Variants in CNP observed in about 807,000 individuals in gnomAD.
CNP encodes 2',3'-cyclic-nucleotide 3'-phosphodiesterase.
A neutral mutation model predicts 37.9 loss-of-function variants in CNP; 8 were observed. The ratio of observed to expected loss-of-function variants is 0.21; its 90% CI spans 0.12 to 0.38. CNP has a LOEUF of 0.38. CNP is among the 10% of genes least tolerant of loss of function. The pLI is 1.00. For synonymous variants in CNP, 237 were observed against 238.3 expected (o/e 0.99, Z 0.05); for missense variants, 457 against 551.0 (o/e 0.83, Z 1.71).
At chr17:41,973,393 C>T (rs1359373999) in intron 3 of CNP, 82 bp from the exon 4 acceptor site, 3 of 1,373,104 alleles carry the variant, frequency 2.2e-6, no homozygotes, top group Non-Finnish European at 3.0e-6. Context: ...CTTCTCTCCT[C>T]CAGGAGGGAC....
chr17:41,969,173 A>C (rs185573783), intron 2 of CNP, among the ~76,000 whole-genome samples: 26 of 152,238 alleles, frequency 1.7e-4, no homozygotes, highest in Admixed American at 8.5e-4. Flanking sequence ...TAATAATAAT[A>C]ATCACATGAA....
chr17:41,976,457 T>C lies in CNP; in HGVS notation c.*2533T>C. 5.7e-6 allele frequency: 2 copies of C among 350,904 alleles called. No homozygotes were observed. The highest frequency in any genetic ancestry group is 9.9e-6 in the Non-Finnish European group (2 of 202,816). 21.7% of individuals were successfully genotyped at this position (350,904 alleles called of 1,614,324 possible). A position where few individuals can be genotyped will look rare whatever the true frequency, so the allele number is the denominator to read the frequency against. Reference sequence around the variant, plus strand: ...GGCCAGGAAGGGTCAAAACATTTTATTCTCTTTTTTTTTTCTTTTTTAATA... The same window carrying C: ...GGCCAGGAAGGGTCAAAACATTTTACTCTCTTTTTTTTTTCTTTTTTAATA... On this transcript the variant is annotated 3_prime_UTR_variant, in exon 4 of 4. Coordinates refer to ENST00000393892, the MANE Select transcript of CNP (RefSeq NM_033133.5).
rs367704141 is a variant in CNP at position 41,973,852 on chromosome 17, C to T, written c.1194C>T (p.Tyr398=). The T allele has an allele frequency of 6.3e-5, 101 of 1,600,276 alleles. No homozygotes were observed. The highest frequency in any genetic ancestry group is 5.4e-4 in the South Asian group (48 of 88,852). Residue 398 remains tyrosine, a synonymous_variant, in exon 4 of 4, where the codon TAC becomes TAT. Transcript: ENST00000393892. ...TCAGGGCCATCTTCACGGGGTACTA[C>T]GGGAAAGGCAAACCTGTGCCCACGC... ...MEVRAIFTGY[Y]GKGKPVPTQG... is the part of the protein sequence containing the mutation.
Position 41,973,875 on chromosome 17 carries a change from C to T in CNP, c.1217C>T (p.Thr406Met), listed in dbSNP as rs782096149. 64 of 1,574,496 alleles carry T rather than the reference C, an allele frequency of 4.1e-5. No individual in the cohort carries two copies. The highest frequency in any genetic ancestry group is 7.1e-5 in the South Asian group (6 of 84,922). Reference sequence around the variant, plus strand: ...TACGGGAAAGGCAAACCTGTGCCCACGCAAGGTAGCCGGAAGGGGGGCGCC... The same window carrying T: ...TACGGGAAAGGCAAACCTGTGCCCATGCAAGGTAGCCGGAAGGGGGGCGCC... ...GYYGKGKPVP[T>M]QGSRKGGALQ... Residue 406 changes from threonine to methionine, a missense_variant, in exon 4 of 4, where the codon ACG becomes ATG. Transcript: ENST00000393892.
chr17:41,967,152 T>G, intron 1 of CNP: 1 of 357,702 alleles, frequency 2.8e-6, no homozygotes. Flanking sequence ...GGAGCCTGGG[T>G]GGGCCTGGGC....
intron 1 of CNP, chr17:41,967,585 TACCCGC>T: frequency 2.2e-6 from 2 of 906,136 alleles, no homozygotes; most frequent in Non-Finnish European, 2.7e-6. Context: ...GGGACCATTG[TACCCGC>T]ATGCCAGACA....
rs1411263121 is a variant in CNP, at chr17:41,977,605, C to T, written c.*3681C>T. On this transcript the variant is annotated 3_prime_UTR_variant, in exon 4 of 4. Transcript: ENST00000393892. ...TTGCTTCATTGGGCTGTTTTCTCAA[C>T]AAATGGAATGCCATTTGCACTTACA... 3 of 309,646 alleles carry T rather than the reference C, an allele frequency of 9.7e-6. No homozygotes were observed. Among genetic ancestry groups the T allele is most frequent in the African/African-American group, 6.4e-5 (3 of 46,664 alleles). 19.2% of individuals were successfully genotyped at this position (309,646 alleles called of 1,614,324 possible).
chr17:41,971,865 C>T (rs1555643851), intron 2 of CNP, 27 bp from the exon 3 acceptor site: 2 of 1,613,520 alleles, frequency 1.2e-6, no homozygotes, highest in South Asian at 2.2e-5. Flanking sequence ...CTCCCCTGCC[C>T]TGACTGCACC....
chr17:41,973,456 T>A lies in CNP; in HGVS notation c.817-19T>A. 6.2e-7 allele frequency: 1 copy of A among 1,601,390 alleles called. No homozygotes were observed. Among genetic ancestry groups the A allele is most frequent in the South Asian group, 1.1e-5 (1 of 89,222 alleles). The stretch of plus-strand genomic sequence containing the variant: ...GCCTGCCATCTCTAGCTTGGGCCCC[T>A]CTTTCTCACTCTCCCCAGGTGTTAA... On this transcript the variant is annotated intron_variant, in intron 3 of 3. Coordinates refer to ENST00000393892, the MANE Select transcript of CNP (RefSeq NM_033133.5).
rs1390480782 is a variant in CNP, at chr17:41,976,551, C to T, written c.*2627C>T. The T allele has an allele frequency of 8.8e-6, 6 of 678,012 alleles. No homozygotes were observed. Among genetic ancestry groups the T allele is most frequent in the Admixed American group, 7.5e-5 (2 of 26,790 alleles). The allele number at this position is 678,012 out of a possible 1,614,324, so 42.0% of individuals were successfully genotyped here. ...CACCCCCGCCTCCCTCCCCTGCCCT[C>T]GGTCTTCGGCATTGGTTCCCTTTGC... On this transcript the variant is annotated 3_prime_UTR_variant, in exon 4 of 4. Coordinates refer to ENST00000393892, the MANE Select transcript of CNP (RefSeq NM_033133.5).
At position 41,973,510 on chromosome 17, in the gene CNP, G is replaced by A; in HGVS notation, c.852G>A (p.Leu284=). ...AATCTTACTCCAAGGCCTTCACGCT[G>A]ACCATCTCTGCCCTCTTTGTGACAC... ...LKKSYSKAFT[L]TISALFVTPK... Residue 284 remains leucine (L), a synonymous_variant, in exon 4 of 4, where the codon CTG becomes CTA. Transcript: ENST00000393892. 6.2e-7 allele frequency: 1 copy of A among 1,614,068 alleles called. No homozygotes were observed. The highest frequency in any genetic ancestry group is 2.2e-5 in the East Asian group (1 of 44,900).
chr17:41,974,027 TCAAAGTTAACCTACCTGTAAC>T lies in CNP; in HGVS notation c.*104_*124del. The T allele has an allele frequency of 1.0e-6, 1 of 983,212 alleles. No individual in the cohort carries two copies. The highest frequency in any genetic ancestry group is 1.4e-6 in the Non-Finnish European group (1 of 723,166). 60.9% of individuals were successfully genotyped at this position (983,212 alleles called of 1,614,324 possible). ...ACATTTTTTTTTTTTTTTTTTTTAC[TCAAAGTTAACCTACCTGTAAC>T]TTTTTAAAAACTTGTAAAATAACTG... On this transcript the variant is annotated 3_prime_UTR_variant, in exon 4 of 4. Transcript: ENST00000393892.
In CNP at chr17:41,975,224, G is replaced by A. The variant is rs1163196104; in HGVS notation, c.*1300G>A. The A allele has an allele frequency of 6.6e-6, 1 of 152,630 alleles. No individual in the cohort carries two copies. Among genetic ancestry groups the A allele is most frequent in the African/African-American group, 2.4e-5 (1 of 41,434 alleles). 9.5% of individuals were successfully genotyped at this position (152,630 alleles called of 1,614,324 possible). A position where few individuals can be genotyped will look rare whatever the true frequency, so the allele number is the denominator to read the frequency against. On this transcript the variant is annotated 3_prime_UTR_variant, in exon 4 of 4. Transcript: ENST00000393892. ...TCTGTGCCCAGCTCAGTCTTCCCTA[G>A]GGCTGGGTGTATTAGGACTGGCTTT...
At chr17:41,969,901 T>C (rs1372838162) in intron 2 of CNP, among the ~76,000 whole-genome samples, 4 of 152,140 alleles carry the variant, frequency 2.6e-5, no homozygotes, top group African/African-American at 9.7e-5. Context: ...ATAGCCCCAC[T>C]CTGGTTTGTT....
intron 2 of CNP, chr17:41,971,154 C>T (rs950136977): frequency 5.3e-5 from 8 of 152,308 alleles, no homozygotes; most frequent in East Asian, 1.9e-4. Flanking sequence ...TGCCCGAGGC[C>T]GATGGCTGGT....
At chr17:41,967,694 C>T (rs1282165754) in intron 1 of CNP, 9 of 1,049,526 alleles carry the variant, frequency 8.6e-6, no homozygotes, top group African/African-American at 5.0e-5. Context: ...TGCACTCAGC[C>T]GTGGCAGCTG....
chr17:41,969,171 A>G (rs1160898407), intron 2 of CNP, among the ~76,000 whole-genome samples: 3 of 152,168 alleles, frequency 2.0e-5, no homozygotes. Flanking sequence ...AATAATAATA[A>G]TAATCACATG....
In CNP at chr17:41,966,813, C is replaced by G. The variant is rs2050901630; in HGVS notation, c.-72C>G. On this transcript the variant is annotated 5_prime_UTR_variant, in exon 1 of 4. Coordinates refer to ENST00000393892, the MANE Select transcript of CNP (RefSeq NM_033133.5). Reference sequence around the variant, plus strand: ...TCGTGCCACCGCTGGACTCCCGTGTCCCTCCGCGCAGGCGGGCGGCCCCGG... The same window carrying G: ...TCGTGCCACCGCTGGACTCCCGTGTGCCTCCGCGCAGGCGGGCGGCCCCGG... 9 of 1,383,382 alleles carry G rather than the reference C, an allele frequency of 6.5e-6. No individual in the cohort carries two copies. Among genetic ancestry groups the G allele is most frequent in the Non-Finnish European group, 8.4e-6 (9 of 1,069,268 alleles). 85.7% of individuals were successfully genotyped at this position (1,383,382 alleles called of 1,614,324 possible).
At chr17:41,969,849 G>A (rs933147377) in intron 2 of CNP, among the ~76,000 whole-genome samples, 8 of 152,146 alleles carry the variant, frequency 5.3e-5, no homozygotes, top group African/African-American at 1.2e-4. Context: ...AGCCACCACC[G>A]CACCCAGCCA....
Sources: allele counts gnomAD v4.1 joint callset (sites outside exome capture counted in the v4.1 genomes callset), GRCh38; gene constraint gnomAD v4.1.1; transcripts MANE v1.5; gene names NCBI Gene and HGNC (gene_info 2026-07-23, HGNC 2026-07-21).